EML5: variants seen among roughly 807,000 people sequenced by gnomAD.
EML5 encodes echinoderm microtubule-associated protein-like 5.
EML5 carries 120 observed loss-of-function variants against 250.0 expected under a neutral mutation model. The ratio of observed to expected loss-of-function variants is 0.48; its 90% confidence interval spans 0.41 to 0.56. The LOEUF (loss-of-function observed/expected upper bound fraction) is 0.56. Among genes scored for constraint, EML5 ranks in the 20% least tolerant of loss-of-function variants. EML5 has a pLI of 0.00. For synonymous variants in EML5, 771 were observed against 806.5 expected, an observed-to-expected ratio of 0.96 and a Z score of 0.75; for missense variants, 2,006 against 2,437.6, an observed-to-expected ratio of 0.82 and a Z score of 3.73.
At chr14:88,702,370 GA>G (rs2093231310) in intron 14 of EML5, 75 bp downstream of exon 14, 1 of 1,119,370 alleles carries the variant, frequency 8.9e-7, no homozygotes, top group East Asian at 2.6e-5. Flanking sequence ...GAACATAAAA[GA>G]GATATGTGAT....
At chr14:88,745,993 A>G (rs188105617) in intron 3 of EML5, among the ~76,000 whole-genome samples, 192 bp downstream of exon 3, 1 of 152,322 alleles carries the variant, frequency 6.6e-6, no homozygotes, top group Non-Finnish European at 1.5e-5. Flanking sequence ...TCATGTTTCC[A>G]AGTCCTACAA....
chr14:88,657,213 A>G (rs2091905608), intron 27 of EML5, among the ~76,000 whole-genome samples, 163 bp downstream of exon 27: 1 of 152,190 alleles, frequency 6.6e-6, no homozygotes, highest in South Asian at 2.1e-4. Flanking sequence ...GGCTGATACC[A>G]AAAGGTATTT....
intron 3 of EML5, among the ~76,000 whole-genome samples, chr14:88,744,781 T>C (rs1211185560): frequency 4.6e-5 from 7 of 152,084 alleles, no homozygotes; most frequent in Non-Finnish European, 1.0e-4. Context: ...CTGGTAGTCG[T>C]CATGTTTCTT....
Position 88,620,961 on chromosome 14 carries a change from G to A in EML5, c.5203-35C>T. 1 of 1,460,996 alleles carries A rather than the reference G, an allele frequency of 6.8e-7. No individual in the cohort carries two copies. The highest frequency in any genetic ancestry group is 9.0e-7 in the Non-Finnish European group (1 of 1,105,590). The allele number at this position is 1,460,996 out of a possible 1,614,324, so 90.5% of individuals were successfully genotyped here. A position where few individuals can be genotyped will look rare whatever the true frequency, so the allele number is the denominator to read the frequency against. On this transcript the variant is annotated intron_variant, in intron 38 of 43. Coordinates refer to ENST00000554922, the MANE Select transcript of EML5 (RefSeq NM_183387.3). This position sits in a 1 kb window ranked among gnomAD's most constrained non-coding sequence, Gnocchi z 4.3. ...AAAAAAAAAAAAAAAAGAGTCATAG[G>A]AAACATTAAGTGAAGTACTTCTAAA...
At chr14:88,764,781 T>C (rs1324127848) in intron 1 of EML5, among the ~76,000 whole-genome samples, 1 of 152,056 alleles carries the variant, frequency 6.6e-6, no homozygotes, top group African/African-American at 2.4e-5. Flanking sequence ...TTTCACTTTC[T>C]TCTTCTTTTC....
Position 88,740,190 on chromosome 14 carries a change from T to C in EML5, c.711+197A>G, listed in dbSNP as rs545846208. ...AATAGCTTTAACAAGATACTAATTATACTAATGTAATAAATATCAATGAGT... is the reference window on the plus strand; with the variant it reads ...AATAGCTTTAACAAGATACTAATTACACTAATGTAATAAATATCAATGAGT... On this transcript the variant is annotated intron_variant, in intron 5 of 43. Coordinates refer to ENST00000554922, the MANE Select transcript of EML5 (RefSeq NM_183387.3). Among the ~76,000 whole-genome samples the C allele has an allele frequency of 2.0e-5, 3 of 152,314 alleles. No individual in the cohort carries two copies. The East Asian group carries it at 5.8e-4, about 29-fold the overall frequency.
At chr14:88,743,324 T>C (rs554108132) in intron 4 of EML5, among the ~76,000 whole-genome samples, 2 of 152,192 alleles carry the variant, frequency 1.3e-5, no homozygotes, top group African/African-American at 4.8e-5. Context: ...CTAATTACCC[T>C]AATCTGATCA....
At chr14:88,701,460 T>G (rs563904260) in intron 14 of EML5, among the ~76,000 whole-genome samples, 34 of 152,296 alleles carry the variant, frequency 2.2e-4, no homozygotes, top group African/African-American at 7.2e-4. Flanking sequence ...ATCTTTATAT[T>G]CCTAGCACAT....
chr14:88,653,885 T>A (rs183630939), intron 27 of EML5, among the ~76,000 whole-genome samples: 83 of 152,340 alleles, frequency 5.4e-4, no homozygotes, highest in African/African-American at 1.9e-3. Flanking sequence ...CTCCTCTTTG[T>A]ACTTCTGGTA....
chr14:88,626,827 AAG>A lies in EML5; in HGVS notation c.4740+9_4740+10del. On this transcript the variant is annotated intron_variant, in intron 35 of 43. Coordinates refer to ENST00000554922, the MANE Select transcript of EML5 (RefSeq NM_183387.3). ...GTCAAAGTCACACTATGTGCATTTT[AAG>A]AGACATACTGCACCAAATGCAATAG... is the stretch of plus-strand genomic sequence containing the variant. 6.2e-7 allele frequency: 1 copy of A among 1,613,272 alleles called. No individual in the cohort carries two copies. The highest frequency in any genetic ancestry group is 1.1e-5 in the South Asian group (1 of 91,034).
At chr14:88,688,527 AAAGAAGCAAAG>A in intron 17 of EML5, 54 bp from the exon 18 acceptor site, 1 of 1,560,306 alleles carries the variant, frequency 6.4e-7, no homozygotes, top group Admixed American at 1.7e-5. Context: ...ACTCAATTAT[AAAGAAGCAAAG>A]TTTCTTTTCT....
In EML5 at chr14:88,715,065, G is replaced by T; in HGVS notation, c.1318C>A (p.Arg440Ser). ...SSVDIYGVAQ[R>S]YKKVGECLGS... ...AAACACTCGCCAACTTTTTTATAAC[G>T]CTGAGCAACTCCATAAATATCAACC... is the stretch of plus-strand genomic sequence containing the variant. Residue 440 changes from arginine (R) to serine (S), a missense_variant, in exon 9 of 44, where the codon CGT (arginine) becomes AGT (serine). Coordinates refer to ENST00000554922, the MANE Select transcript of EML5 (RefSeq NM_183387.3). The T allele has an allele frequency of 1.9e-6, 3 of 1,613,710 alleles. No homozygotes were observed. Among genetic ancestry groups the T allele is most frequent in the Non-Finnish European group, 2.5e-6 (3 of 1,179,808 alleles).
intron 11 of EML5, 107 bp from the exon 12 acceptor site, chr14:88,705,695 C>A: frequency 1.3e-6 from 1 of 798,162 alleles, no homozygotes; most frequent in Non-Finnish European, 2.1e-6. Flanking sequence ...TGGAGACAAG[C>A]CATAAAACAA....
At chr14:88,644,554 A>C (rs771121482) in intron 29 of EML5, 43 bp from the exon 30 acceptor site, 2 of 1,574,744 alleles carry the variant, frequency 1.3e-6, no homozygotes, top group South Asian at 2.2e-5. Context: ...TGCAGCACTC[A>C]GTGCCTTCAC....
Position 88,633,030 on chromosome 14 carries a change from T to C in EML5, c.4357+1439A>G, listed in dbSNP as rs149897630. 2.8e-3 allele frequency among the ~76,000 whole-genome samples: 429 copies of C among 152,276 alleles called. 3 individuals are homozygous for C. The highest frequency in any genetic ancestry group is 9.9e-3 in the African/African-American group (412 of 41,552). On this transcript the variant is annotated intron_variant, in intron 33 of 43. Coordinates refer to ENST00000554922, the MANE Select transcript of EML5 (RefSeq NM_183387.3). ...CCCTTTTCTGTTCAATGTAATAAACTAAAGCCTTAAGTACCTCTGAGTCCT... is the reference window on the plus strand; with the variant it reads ...CCCTTTTCTGTTCAATGTAATAAACCAAAGCCTTAAGTACCTCTGAGTCCT...
chr14:88,634,370 G>A lies in EML5; in HGVS notation c.4357+99C>T, dbSNP rs2090606164. 5 of 746,212 alleles carry A rather than the reference G, an allele frequency of 6.7e-6. No homozygotes were observed. The East Asian group carries it at 1.6e-4, about 25-fold the overall frequency. 46.2% of individuals were successfully genotyped at this position (746,212 alleles called of 1,614,324 possible). A position where few individuals can be genotyped will look rare whatever the true frequency, so the allele number is the denominator to read the frequency against. On this transcript the variant is annotated intron_variant, in intron 33 of 43. Transcript: ENST00000554922. ...TTGTAAATTACCCAGTTCTTTAATA[G>A]TAATGCAAGAACGGACTAATATACT...
chr14:88,643,736 A>G (rs1294188814), intron 30 of EML5, among the ~76,000 whole-genome samples: 2 of 152,244 alleles, frequency 1.3e-5, no homozygotes, highest in Non-Finnish European at 2.9e-5. Context: ...TACATTCATC[A>G]TCGGTGGATA....
intron 27 of EML5, among the ~76,000 whole-genome samples, chr14:88,653,604 AT>A (rs1369878289): frequency 2.0e-5 from 3 of 152,126 alleles, no homozygotes; most frequent in African/African-American, 7.2e-5. Flanking sequence ...ACATTTATTG[AT>A]TTTGGTATGT....
chr14:88,690,870 T>C (rs2092942047), intron 17 of EML5, among the ~76,000 whole-genome samples: 1 of 152,168 alleles, frequency 6.6e-6, no homozygotes, highest in South Asian at 2.1e-4. Context: ...AACTATCTTC[T>C]AGAGCAGGGT....
Sources: allele counts gnomAD v4.1 joint callset (sites outside exome capture counted in the v4.1 genomes callset), GRCh38; gene constraint gnomAD v4.1.1; non-coding constraint Gnocchi (gnomAD v3.1); transcripts MANE v1.5; gene names NCBI Gene and HGNC (gene_info 2026-07-23, HGNC 2026-07-21).